The following DOCK3 variants were observed in gnomAD, a reference collection of about 807,000 sequenced individuals.
The protein encoded by DOCK3 is dedicator of cytokinesis protein 3.
In DOCK3, 60 loss-of-function variants were observed where a neutral mutation model predicts 265.6. The ratio of observed to expected loss-of-function variants is 0.23; its 90% CI spans 0.18 to 0.28. The LOEUF is 0.28. Ranked by LOEUF, DOCK3 falls within the 10% of genes least tolerant of loss-of-function variation. The probability of loss-of-function intolerance (pLI) is 1.00; values close to 1 mark genes in which losing one functional copy is unlikely to be tolerated. For synonymous variants in DOCK3, 881 were observed against 938.0 expected (o/e 0.94, Z 1.11); for missense variants, 1,981 against 2,594.3 (o/e 0.76, Z 5.14).
intron 5 of DOCK3, among the ~76,000 whole-genome samples, chr3:50,979,047 G>T (rs1169335790): frequency 6.6e-6 from 1 of 152,082 alleles, no homozygotes; most frequent in Non-Finnish European, 1.5e-5. Context: ...CCACTGTCTG[G>T]CACTCCCTAG....
chr3:51,356,145 G>T lies in DOCK3; in HGVS notation c.4306G>T (p.Asp1436Tyr). 6 of 1,614,016 alleles carry T rather than the reference G, an allele frequency of 3.7e-6. No individual in the cohort carries two copies. Among genetic ancestry groups the T allele is most frequent in the Non-Finnish European group, 5.1e-6 (6 of 1,179,892 alleles). ...AGATTATGTGGATGTTCTGCAGATG[G>T]ATAGGGTACCAGATCGAGTCAAGAG... The part of the protein sequence containing the change: ...IPDYVDVLQM[D>Y]RVPDRVKSFY... Residue 1436 changes from aspartate to tyrosine, a missense_variant, in exon 42 of 53, where the codon GAT becomes TAT. Coordinates refer to ENST00000266037, the MANE Select transcript of DOCK3 (RefSeq NM_004947.5).
At chr3:50,734,881 G>A (rs1186142950) in intron 1 of DOCK3, among the ~76,000 whole-genome samples, 1 of 152,066 alleles carries the variant, frequency 6.6e-6, no homozygotes, top group East Asian at 1.9e-4. Context: ...GGGATTACAG[G>A]CGTCAGCCAC....
At chr3:51,034,319 A>T (rs976189778) in intron 5 of DOCK3, among the ~76,000 whole-genome samples, 2 of 151,788 alleles carry the variant, frequency 1.3e-5, no homozygotes, top group Non-Finnish European at 2.9e-5. Context: ...TCCCTTTTGC[A>T]TCTTCTTTTG....
At chr3:51,003,980 T>C (rs2078573413) in intron 5 of DOCK3, among the ~76,000 whole-genome samples, 1 of 152,156 alleles carries the variant, frequency 6.6e-6, no homozygotes, top group Non-Finnish European at 1.5e-5. Flanking sequence ...CTGAGAAAGG[T>C]GGGTGTGTTA....
intron 1 of DOCK3, among the ~76,000 whole-genome samples, chr3:50,745,794 C>A (rs569110254): frequency 2.6e-5 from 4 of 152,326 alleles, no homozygotes; most frequent in African/African-American, 9.6e-5. Context: ...CTTCCCTAAT[C>A]AGATCGTTCA....
chr3:51,020,202 T>G (rs2079524652), intron 5 of DOCK3, among the ~76,000 whole-genome samples: 3 of 151,916 alleles, frequency 2.0e-5, no homozygotes, highest in Non-Finnish European at 4.4e-5. Flanking sequence ...TGGTTTTGAT[T>G]TGCATTTCTC....
chr3:51,252,807 A>G (rs893078090), intron 22 of DOCK3, among the ~76,000 whole-genome samples: 2 of 152,228 alleles, frequency 1.3e-5, no homozygotes, highest in African/African-American at 4.8e-5. Context: ...GTCGTCTGCA[A>G]ACAGGGACAA....
chr3:51,291,968 A>G (rs1479221936), intron 27 of DOCK3, among the ~76,000 whole-genome samples: 1 of 152,234 alleles, frequency 6.6e-6, no homozygotes, highest in Admixed American at 6.5e-5. Context: ...AATGTGATTC[A>G]CCATATTAAC....
At chr3:50,781,550 A>G (rs1183585743) in intron 2 of DOCK3, among the ~76,000 whole-genome samples, 1 of 152,122 alleles carries the variant, frequency 6.6e-6, no homozygotes, top group Non-Finnish European at 1.5e-5. Context: ...CTGAAATTAG[A>G]GGCATGATCT....
At position 51,275,146 on chromosome 3, in the gene DOCK3, G is replaced by A. The variant is rs750051185; in HGVS notation, c.2616G>A (p.Glu872=). 2 of 1,613,990 alleles carry A rather than the reference G, an allele frequency of 1.2e-6. No homozygotes were observed. Among genetic ancestry groups the A allele is most frequent in the South Asian group, 2.2e-5 (2 of 91,086 alleles). ...HIHLHLRQQK[E]LLICSGILGS... ...ACCTTCACCTGAGGCAGCAGAAAGA[G>A]CTGCTAATTTGCTCAGGGATTCTTG... Residue 872 remains glutamate, a synonymous_variant, in exon 25 of 53, where the codon GAG becomes GAA. Coordinates refer to ENST00000266037, the MANE Select transcript of DOCK3 (RefSeq NM_004947.5).
chr3:50,830,174 A>C (rs2045053014), intron 2 of DOCK3, among the ~76,000 whole-genome samples: 1 of 152,132 alleles, frequency 6.6e-6, no homozygotes, highest in African/African-American at 2.4e-5. Flanking sequence ...AATTGGGTGA[A>C]CTCCATATAT....
Position 51,270,974 on chromosome 3 carries a change from A to G in DOCK3, c.2515A>G (p.Arg839Gly), listed in dbSNP as rs1377346855. 2 of 1,613,706 alleles carry G rather than the reference A, an allele frequency of 1.2e-6. No homozygotes were observed. The highest frequency in any genetic ancestry group is 8.5e-7 in the Non-Finnish European group (1 of 1,179,754). The stretch of plus-strand genomic sequence containing the variant: ...CGTGGTCAAGCTGCAGTCCATTGCC[A>G]GGACAGTGGATAGCCGCCTGTTTTC... ...MDVVKLQSIARTVDSRLFSFS... is the reference protein window; with the variant it reads ...MDVVKLQSIAGTVDSRLFSFS... The change falls in exon 24 of 53, where the codon AGG becomes GGG. Residue 839 changes from arginine to glycine, a missense_variant. Physicochemically the swap from Arg to Gly is moderately radical, Grantham distance 125 (BLOSUM62 -2). This residue lies in a region of DOCK3 where 1,357 missense variants were observed against 1,866.8 expected (regional missense o/e 0.73). Transcript: ENST00000266037.
intron 5 of DOCK3, among the ~76,000 whole-genome samples, chr3:50,935,876 A>T (rs2051331655): frequency 6.6e-6 from 1 of 152,210 alleles, no homozygotes; most frequent in Non-Finnish European, 1.5e-5. Flanking sequence ...GATGATTTAA[A>T]TAGGAACCGG....
rs573443412 is a variant in DOCK3, at chr3:51,084,711, A to G, written c.550-4532A>G. Among the ~76,000 whole-genome samples, 3 of 152,334 alleles carry G rather than the reference A, an allele frequency of 2.0e-5. No homozygotes were observed. In the East Asian group the frequency reaches 5.8e-4, roughly 29 times the overall value. On this transcript the variant is annotated intron_variant, in intron 7 of 52. Transcript: ENST00000266037. ...AATGAGAAAGGAGTTAAACATTACC[A>G]TCATAAAAAAACCACCAAATCTTAA...
intron 32 of DOCK3, among the ~76,000 whole-genome samples, chr3:51,328,011 G>T (rs1486683898): frequency 1.3e-5 from 2 of 152,074 alleles, no homozygotes; most frequent in East Asian, 3.9e-4. Flanking sequence ...CTAATACAAA[G>T]TTCAAAACAC....
At chr3:51,180,506 G>A (rs1401619197) in intron 12 of DOCK3, among the ~76,000 whole-genome samples, 1 of 151,988 alleles carries the variant, frequency 6.6e-6, no homozygotes, top group Non-Finnish European at 1.5e-5. Flanking sequence ...TGCCTGGATG[G>A]GACCACATCA....
At chr3:51,275,289 C>T (rs1426204456) in intron 25 of DOCK3, 83 bp downstream of exon 25, 5 of 1,577,560 alleles carry the variant, frequency 3.2e-6, no homozygotes, top group African/African-American at 1.3e-5. Flanking sequence ...CAACAAAGAT[C>T]GCTTTGTACA....
chr3:51,197,694 A>G (rs1041591960), intron 12 of DOCK3, among the ~76,000 whole-genome samples: 3 of 152,098 alleles, frequency 2.0e-5, no homozygotes, highest in Non-Finnish European at 4.4e-5. Context: ...GCCATCATGG[A>G]CAGGGCACTC....
chr3:50,778,636 T>C, intron 1 of DOCK3, 39 bp from the exon 2 acceptor site: 1 of 1,496,422 alleles, frequency 6.7e-7, no homozygotes, highest in Non-Finnish European at 9.1e-7. Flanking sequence ...TCTCAGTGTT[T>C]AAAAATGCTA....
Sources: gnomAD v4.1 joint callset for allele counts (sites outside exome capture counted in the v4.1 genomes callset) on GRCh38, gnomAD v4.1.1 for gene constraint, gnomAD v4.1.1 regional missense constraint, MANE v1.5 for transcripts, NCBI Gene and HGNC (gene_info 2026-07-23, HGNC 2026-07-21) for gene names.